LSAMP: variants seen among roughly 807,000 people sequenced by gnomAD.
LSAMP encodes limbic system associated membrane protein.
Under a neutral mutation model 38.6 loss-of-function variants are expected in LSAMP, and 7 were observed. That is an observed-to-expected ratio of 0.18 (90% CI 0.10 to 0.34). The LOEUF (loss-of-function observed/expected upper bound fraction) is 0.34. Ranked by LOEUF, LSAMP falls within the 10% of genes least tolerant of loss-of-function variation. The pLI is 1.00. For synonymous variants in LSAMP, 154 were observed against 166.8 expected, an observed-to-expected ratio of 0.92 and a Z score of 0.59; for missense variants, 313 against 420.0, an observed-to-expected ratio of 0.75 and a Z score of 2.23.
chr3:116,141,537 A>G, intron 1 of LSAMP, among the ~76,000 whole-genome samples: 1 of 151,944 alleles, frequency 6.6e-6, no homozygotes. Flanking sequence ...GTTAAATTAC[A>G]GAATGTGGCA....
intron 2 of LSAMP, among the ~76,000 whole-genome samples, chr3:116,050,111 G>A (rs962843634): frequency 2.0e-5 from 3 of 152,116 alleles, no homozygotes; most frequent in African/African-American, 7.2e-5. Context: ...ATTAATAAAA[G>A]ATCTGAAAGG....
intron 1 of LSAMP, among the ~76,000 whole-genome samples, chr3:116,168,660 G>A (rs918664685): frequency 2.0e-5 from 3 of 152,158 alleles, no homozygotes; most frequent in African/African-American, 7.2e-5. Flanking sequence ...CTCCCATGGT[G>A]TGAGGTGACA....
chr3:116,228,598 G>A (rs2107624671), intron 1 of LSAMP, among the ~76,000 whole-genome samples: 1 of 152,240 alleles, frequency 6.6e-6, no homozygotes, highest in South Asian at 2.1e-4. Context: ...ATAAATGACA[G>A]CTGTAACTAT....
chr3:116,082,983 C>T (rs1010953018), intron 2 of LSAMP, among the ~76,000 whole-genome samples: 2 of 152,082 alleles, frequency 1.3e-5, no homozygotes, highest in Non-Finnish European at 2.9e-5. Context: ...CAACAAACCC[C>T]TCTGACGTGT....
At chr3:116,277,471 C>A (rs1314941951) in intron 1 of LSAMP, among the ~76,000 whole-genome samples, 1 of 151,880 alleles carries the variant, frequency 6.6e-6, no homozygotes, top group Non-Finnish European at 1.5e-5. Context: ...CAGGTGCACG[C>A]AATTTCTCCT....
chr3:115,878,570 TC>T (rs1249427140), intron 3 of LSAMP, among the ~76,000 whole-genome samples: 1 of 149,344 alleles, frequency 6.7e-6, no homozygotes, highest in Non-Finnish European at 1.5e-5. Flanking sequence ...CAAGCGATTC[TC>T]TTGTCTCAGC....
Position 116,444,948 on chromosome 3 carries a change from A to G in LSAMP, c.84T>C (p.Pro28=). The G allele has an allele frequency of 1.2e-6, 2 of 1,614,134 alleles. No individual in the cohort carries two copies. Among genetic ancestry groups the G allele is most frequent in the Non-Finnish European group, 1.7e-6 (2 of 1,180,030 alleles). The change falls in exon 1 of 7, where the codon CCT becomes CCC. Residue 28 remains proline (P), a synonymous_variant. Transcript: ENST00000490035. ...RLLCLLPTGL[P]VRSVDFNRGT... is the part of the protein sequence containing the mutation. ...CTCGGTTAAAATCCACGCTGCGAAC[A>G]GGCAGTCCTGTGGGAAGAAGGCAGA...
intron 6 of LSAMP, among the ~76,000 whole-genome samples, chr3:115,813,763 G>A (rs1310139775): frequency 6.6e-6 from 1 of 152,160 alleles, no homozygotes; most frequent in Non-Finnish European, 1.5e-5. Context: ...CTATTTCAGG[G>A]AAGAATAATC....
At chr3:115,931,379 C>T (rs114152215) in intron 3 of LSAMP, among the ~76,000 whole-genome samples, 1 of 152,146 alleles carries the variant, frequency 6.6e-6, no homozygotes, top group Admixed American at 6.5e-5. Flanking sequence ...TTGCCTGCCC[C>T]CAGCTGAGTG....
At chr3:115,864,238 C>G (rs541221758) in intron 3 of LSAMP, among the ~76,000 whole-genome samples, 103 of 149,020 alleles carry the variant, frequency 6.9e-4, no homozygotes, top group Non-Finnish European at 1.1e-3. Context: ...ATTTTCCTCA[C>G]TATTCTCCAC....
At chr3:116,289,898 G>A (rs1158776240) in intron 1 of LSAMP, among the ~76,000 whole-genome samples, 1 of 152,112 alleles carries the variant, frequency 6.6e-6, no homozygotes, top group African/African-American at 2.4e-5. Context: ...AGCTAAACCT[G>A]GATTAAAAAG....
At chr3:116,439,962 C>T (rs892639543) in intron 1 of LSAMP, among the ~76,000 whole-genome samples, 1 of 152,206 alleles carries the variant, frequency 6.6e-6, no homozygotes, top group Non-Finnish European at 1.5e-5. Context: ...ACCTTGTGAT[C>T]CCCCCGCCTC....
chr3:116,208,929 C>G (rs1056031583), intron 1 of LSAMP, among the ~76,000 whole-genome samples: 1 of 152,226 alleles, frequency 6.6e-6, no homozygotes, highest in East Asian at 1.9e-4. Context: ...GGGCTCCACC[C>G]AGTTGGAGCT....
rs2049489507 is a variant in LSAMP, at chr3:116,444,969, G to A, written c.63C>T (p.Cys21=). 1.2e-6 allele frequency: 2 copies of A among 1,614,112 alleles called. No individual in the cohort carries two copies. Among genetic ancestry groups the A allele is most frequent in the South Asian group, 1.1e-5 (1 of 91,078 alleles). ...QLPLVLLRLL[C]LLPTGLPVRS... Reference sequence around the variant, plus strand: ...GAACAGGCAGTCCTGTGGGAAGAAGGCAGAGCAATCTCAGTAGGACCAGTG... The same window carrying A: ...GAACAGGCAGTCCTGTGGGAAGAAGACAGAGCAATCTCAGTAGGACCAGTG... The change falls in exon 1 of 7, where the codon TGC becomes TGT. Residue 21 remains cysteine, a synonymous_variant. Coordinates refer to ENST00000490035, the MANE Select transcript of LSAMP (RefSeq NM_002338.5).
At chr3:115,871,875 T>C (rs1936050016) in intron 3 of LSAMP, among the ~76,000 whole-genome samples, 1 of 152,096 alleles carries the variant, frequency 6.6e-6, no homozygotes, top group Non-Finnish European at 1.5e-5. Context: ...TATAAAGTGA[T>C]CACCAACTGG....
intron 1 of LSAMP, among the ~76,000 whole-genome samples, chr3:116,342,413 G>C (rs2048008391): frequency 6.6e-6 from 1 of 151,982 alleles, no homozygotes; most frequent in Admixed American, 6.6e-5. Flanking sequence ...GAAAATAGGG[G>C]ATCTGAACCA....
intron 1 of LSAMP, among the ~76,000 whole-genome samples, chr3:116,090,360 C>T (rs1708093378): frequency 1.3e-5 from 2 of 152,156 alleles, no homozygotes; most frequent in Non-Finnish European, 2.9e-5. Flanking sequence ...ATAAGAAATG[C>T]TGATATAAAT....
chr3:116,185,030 C>CTTTTTTTTTTTT (rs368314567), intron 1 of LSAMP, among the ~76,000 whole-genome samples: 9 of 117,736 alleles, frequency 7.6e-5, no homozygotes, highest in Admixed American at 2.7e-4. Context: ...TTCTTTCTTT[C>CTTTTTTTTTTTT]TTTTTTTTTT....
At chr3:116,175,331 A>G (rs1710311641) in intron 1 of LSAMP, among the ~76,000 whole-genome samples, 1 of 152,108 alleles carries the variant, frequency 6.6e-6, no homozygotes, top group Admixed American at 6.6e-5. Flanking sequence ...TAGTGATCAG[A>G]TCAATGTAAT....
Sources: gnomAD v4.1 joint callset for allele counts (sites outside exome capture counted in the v4.1 genomes callset) on GRCh38, gnomAD v4.1.1 for gene constraint, MANE v1.5 for transcripts, NCBI Gene and HGNC (gene_info 2026-07-23, HGNC 2026-07-21) for gene names.